AFAP1L2: variants seen among roughly 807,000 people sequenced by gnomAD.
The protein encoded by AFAP1L2 is actin filament associated protein 1 like 2.
Under a neutral mutation model 99.3 loss-of-function variants are expected in AFAP1L2, and 46 were observed. That is an observed-to-expected ratio of 0.46 (90% CI 0.37 to 0.59). AFAP1L2 has a LOEUF of 0.59. Ranked by LOEUF, AFAP1L2 falls within the 20% of genes least tolerant of loss-of-function variation. The pLI is 0.00. For missense variants in AFAP1L2, 959 were observed against 1,034.9 expected, an observed-to-expected ratio of 0.93 and a Z score of 1.01; for synonymous variants, 397 against 419.1, an observed-to-expected ratio of 0.95 and a Z score of 0.64.
At chr10:114,363,451 T>C (rs1436425943) in intron 1 of AFAP1L2, among the ~76,000 whole-genome samples, 1 of 152,164 alleles carries the variant, frequency 6.6e-6, no homozygotes, top group African/African-American at 2.4e-5. Context: ...TGGTCCTTCA[T>C]GCCCTGTCGC....
chr10:114,332,047 T>C, intron 3 of AFAP1L2, 150 bp from the exon 4 acceptor site: 1 of 462,048 alleles, frequency 2.2e-6, no homozygotes, highest in Non-Finnish European at 3.5e-6. Context: ...GAACCGAAGT[T>C]GTTTTTCCTC....
chr10:114,328,207 C>G (rs2046679247), intron 4 of AFAP1L2, among the ~76,000 whole-genome samples: 2 of 152,184 alleles, frequency 1.3e-5, no homozygotes, highest in Non-Finnish European at 2.9e-5. Context: ...CCTTCTATTG[C>G]TGGACAGACC....
chr10:114,334,497 C>A (rs2047651571), intron 2 of AFAP1L2, among the ~76,000 whole-genome samples: 1 of 152,212 alleles, frequency 6.6e-6, no homozygotes, highest in Non-Finnish European at 1.5e-5. Context: ...TGCACGACCA[C>A]AGACCGCCCA....
At chr10:114,363,175 G>A (rs2052691596) in intron 1 of AFAP1L2, 1 of 985,362 alleles carries the variant, frequency 1.0e-6, no homozygotes, top group South Asian at 4.7e-5. Context: ...ACGGGTTCCT[G>A]GGAATCAAGG....
intron 1 of AFAP1L2, among the ~76,000 whole-genome samples, chr10:114,374,575 C>T (rs1313457914): frequency 1.3e-5 from 2 of 152,022 alleles, no homozygotes; most frequent in Non-Finnish European, 2.9e-5. Flanking sequence ...GGAGCAGCAG[C>T]GTTTGCTCCG....
At chr10:114,317,207 G>A (rs541047284) in intron 5 of AFAP1L2, among the ~76,000 whole-genome samples, 2 of 85,084 alleles carry the variant, frequency 2.4e-5, no homozygotes, top group South Asian at 7.1e-4. Context: ...ATAGAAAAAT[G>A]GGATGAGGCC....
At chr10:114,289,119 G>T in the AFAP1L2 span, 22 of 1,613,958 alleles carry the variant, frequency 1.4e-5, no homozygotes, top group Non-Finnish European at 1.6e-5. Context: ...CTGCCTTCGG[G>T]CTGGACACCA....
At position 114,300,240 on chromosome 10, in the gene AFAP1L2, A is replaced by G; in HGVS notation, c.1911T>C (p.Pro637=). 1 of 1,614,192 alleles carries G rather than the reference A, an allele frequency of 6.2e-7. No individual in the cohort carries two copies. The highest frequency in any genetic ancestry group is 1.1e-5 in the South Asian group (1 of 91,078). The change falls in exon 15 of 19, where the codon CCT becomes CCC. Residue 637 remains proline (P), a synonymous_variant. Coordinates refer to ENST00000304129, the MANE Select transcript of AFAP1L2 (RefSeq NM_001001936.3). ...TGTCCTTCACAGGTGGGCTGGCACCAGGTGGGGTGGCCACCACGGCATCCG... is the reference window on the plus strand; with the variant it reads ...TGTCCTTCACAGGTGGGCTGGCACCGGGTGGGGTGGCCACCACGGCATCCG... ...SCPDAVVATP[P]GASPPVKDRL...
intron 1 of AFAP1L2, among the ~76,000 whole-genome samples, chr10:114,382,286 A>G (rs918244206): frequency 2.5e-4 from 2 of 7,882 alleles, no homozygotes; most frequent in African/African-American, 4.3e-4. Flanking sequence ...ATTTACATAT[A>G]AAGGAAAGAC....
At chr10:114,359,214 G>A (rs1221513091) in intron 1 of AFAP1L2, among the ~76,000 whole-genome samples, 1 of 152,216 alleles carries the variant, frequency 6.6e-6, no homozygotes, top group Non-Finnish European at 1.5e-5. Context: ...AGCAAATCCA[G>A]CATGGTGATG....
Position 114,300,490 on chromosome 10 carries a change from G to C in AFAP1L2, c.1743C>G (p.Thr581=), listed in dbSNP as rs1460362018. ...ALPADSGPGP[T]PDEPCIKCPE... The stretch of plus-strand genomic sequence containing the variant: ...GACACTTTATGCAGGGCTCATCTGG[G>C]GTGGGACCTGGGCCTGAGTCTGCCG... The change falls in exon 14 of 19, where the codon ACC becomes ACG. Residue 581 remains threonine, a synonymous_variant. Coordinates refer to ENST00000304129, the MANE Select transcript of AFAP1L2 (RefSeq NM_001001936.3). 1.2e-6 allele frequency: 2 copies of C among 1,614,172 alleles called. No individual in the cohort carries two copies. The highest frequency in any genetic ancestry group is 2.2e-5 in the East Asian group (1 of 44,870).
intron 12 of AFAP1L2, chr10:114,302,126 C>T (rs1175323337): frequency 3.1e-6 from 2 of 645,974 alleles, no homozygotes; most frequent in African/African-American, 1.8e-5. Context: ...GCCCCCGGGG[C>T]CCGAAGCCTG....
intron 4 of AFAP1L2, 115 bp from the exon 5 acceptor site, chr10:114,323,376 C>A: frequency 1.2e-6 from 1 of 844,590 alleles, no homozygotes; most frequent in Non-Finnish European, 1.9e-6. Flanking sequence ...GGACTTTAAA[C>A]TTTAAGCAAG....
chr10:114,340,181 C>A (rs1275175887), intron 2 of AFAP1L2, among the ~76,000 whole-genome samples: 1 of 143,406 alleles, frequency 7.0e-6, no homozygotes, highest in Non-Finnish European at 1.5e-5. Flanking sequence ...AAAAAAAATA[C>A]AAAAAAAAAA....
chr10:114,383,996 C>G (rs1388826093), intron 1 of AFAP1L2, among the ~76,000 whole-genome samples: 1 of 152,222 alleles, frequency 6.6e-6, no homozygotes, highest in Admixed American at 6.5e-5. Flanking sequence ...GGTCCTGCCC[C>G]TAGCGCTTCT....
In AFAP1L2 at chr10:114,297,222, G is replaced by A. The variant is rs45528437; in HGVS notation, c.2305C>T (p.Arg769Cys). 23,666 of 1,433,038 alleles carry A rather than the reference G, an allele frequency of 0.017. 194 individuals carry two copies. Among genetic ancestry groups the A allele is most frequent in the Non-Finnish European group, 0.02 (21,123 of 1,066,532 alleles). The allele number at this position is 1,433,038 out of a possible 1,614,324, so 88.8% of individuals were successfully genotyped here. A position where few individuals can be genotyped will look rare whatever the true frequency, so the allele number is the denominator to read the frequency against. ...DTTHLENVSP[R>C]PKAVTPASAP... ...GAGGCCGCAGTTCCAGCACTCACGC[G>A]GGGGCTCACATTCTCCAGGTGGGTG... The change falls in exon 17 of 19, where the codon CGC becomes TGC. Residue 769 changes from arginine to cysteine, a missense_variant and splice_region_variant. By Grantham distance (180) the Arg-to-Cys change is radical (BLOSUM62 -3). This residue lies in a region of AFAP1L2 where 576 missense variants were observed against 562.1 expected (regional missense o/e 1.02). Transcript: ENST00000304129.
chr10:114,347,101 A>G (rs1427363259), intron 1 of AFAP1L2, among the ~76,000 whole-genome samples: 1 of 152,226 alleles, frequency 6.6e-6, no homozygotes, highest in Non-Finnish European at 1.5e-5. Context: ...TGCGCTTTAT[A>G]TAGAAAGACT....
chr10:114,302,908 C>T (rs983504538), intron 11 of AFAP1L2, among the ~76,000 whole-genome samples: 4 of 152,176 alleles, frequency 2.6e-5, no homozygotes, highest in Non-Finnish European at 1.5e-5. Flanking sequence ...TTCCCCCAAT[C>T]CCATATACAA....
At chr10:114,319,299 T>C (rs1264414434) in intron 5 of AFAP1L2, among the ~76,000 whole-genome samples, 1 of 150,320 alleles carries the variant, frequency 6.7e-6, no homozygotes, top group Non-Finnish European at 1.5e-5. Flanking sequence ...TACCTCACTG[T>C]GTCCTGTGGA....
Sources: allele counts gnomAD v4.1 joint callset (sites outside exome capture counted in the v4.1 genomes callset), GRCh38; gene constraint gnomAD v4.1.1; regional missense constraint gnomAD v4.1.1; transcripts MANE v1.5; gene names NCBI Gene and HGNC (gene_info 2026-07-23, HGNC 2026-07-21).